The following TMEM182 variants were observed in gnomAD, a reference collection of about 807,000 sequenced individuals.
TMEM182 encodes the protein transmembrane protein 182.
In TMEM182, 20 loss-of-function variants were observed where a neutral mutation model predicts 26.8. The observed-to-expected ratio is 0.75, with a 90% CI of 0.53 to 1.09. The LOEUF (loss-of-function observed/expected upper bound fraction) is 1.09. Among genes scored for constraint, TMEM182 ranks in the 50% least tolerant of loss-of-function variants. The pLI is 0.00. For synonymous variants in TMEM182, 109 were observed against 102.2 expected, an observed-to-expected ratio of 1.07 and a Z score of -0.40; for missense variants, 277 against 275.5, an observed-to-expected ratio of 1.01 and a Z score of -0.04.
At chr2:102,746,656 C>T (rs770132701) in intron 1 of TMEM182, among the ~76,000 whole-genome samples, 10 of 152,020 alleles carry the variant, frequency 6.6e-5, no homozygotes, top group East Asian at 3.8e-4. Flanking sequence ...TGCAATGGCG[C>T]GATCGTGGCT....
At chr2:102,756,153 C>T (rs1038795418) in intron 1 of TMEM182, among the ~76,000 whole-genome samples, 2 of 152,122 alleles carry the variant, frequency 1.3e-5, no homozygotes, top group Non-Finnish European at 1.5e-5. Context: ...AATGGGAACA[C>T]CTGGTGAGAA....
At position 102,764,410 on chromosome 2, in the gene TMEM182, C is replaced by T. The variant is rs749444744; in HGVS notation, c.314C>T (p.Ser105Phe). The T allele has an allele frequency of 1.2e-6, 2 of 1,613,826 alleles. No individual in the cohort carries two copies. The highest frequency in any genetic ancestry group is 1.7e-5 in the Admixed American group (1 of 60,014). ...PFMRGEHNST[S>F]YDSAVIYRGF... ...ATGAGAGGCGAGCACAACTCGACCT[C>T]CTATGACTCTGCAGTTAGTAAGTAC... The change falls in exon 3 of 5, where the codon TCC becomes TTC. Residue 105 changes from serine to phenylalanine, a missense_variant. Coordinates refer to ENST00000412401, the MANE Select transcript of TMEM182 (RefSeq NM_144632.5).
At chr2:102,780,548 C>A (rs561090375) in intron 3 of TMEM182, among the ~76,000 whole-genome samples, 100 of 152,260 alleles carry the variant, frequency 6.6e-4, no homozygotes, top group African/African-American at 2.3e-3. Flanking sequence ...TCCTATGACA[C>A]CACTCTAGTT....
At chr2:102,832,397 G>T (rs1683170500) in intron 3 of TMEM182, among the ~76,000 whole-genome samples, 2 of 152,234 alleles carry the variant, frequency 1.3e-5, no homozygotes, top group South Asian at 2.1e-4. Flanking sequence ...GCTTAATAAG[G>T]TGCAGTGCCT....
chr2:102,797,857 C>G lies in TMEM182; in HGVS notation c.332-6C>G. 1.9e-6 allele frequency: 3 copies of G among 1,607,066 alleles called. No individual in the cohort carries two copies. The highest frequency in any genetic ancestry group is 2.5e-6 in the Non-Finnish European group (3 of 1,178,260). ...TTCTTTTCTCTTTTCCTCCTGGGGT[C>G]TCCAGTTTACCGTGGTTTCTGGGCA... is the stretch of plus-strand genomic sequence containing the variant. On this transcript the variant is annotated splice_polypyrimidine_tract_variant and splice_region_variant and intron_variant, in intron 3 of 4. Coordinates refer to ENST00000412401, the MANE Select transcript of TMEM182 (RefSeq NM_144632.5).
intron 1 of TMEM182, among the ~76,000 whole-genome samples, chr2:102,751,672 C>T (rs1373527202): frequency 2.0e-5 from 3 of 152,048 alleles, no homozygotes; most frequent in East Asian, 1.9e-4. Flanking sequence ...ACTCCTGTAT[C>T]GTTATGTCCT....
At chr2:102,751,063 A>G (rs1309545830) in intron 1 of TMEM182, among the ~76,000 whole-genome samples, 1 of 152,196 alleles carries the variant, frequency 6.6e-6, no homozygotes, top group African/African-American at 2.4e-5. Flanking sequence ...TGTCTGAGGT[A>G]GTACCCAAGG....
chr2:102,802,892 G>A (rs956874477), intron 4 of TMEM182, among the ~76,000 whole-genome samples: 1 of 152,176 alleles, frequency 6.6e-6, no homozygotes, highest in Admixed American at 6.5e-5. Flanking sequence ...AATTGAAGTA[G>A]CCTTTTCTTA....
In TMEM182 at chr2:102,800,307, G is replaced by T. The variant is rs190243309; in HGVS notation, c.469+2307G>T. On this transcript the variant is annotated intron_variant, in intron 4 of 4. Transcript: ENST00000412401. ...TTCTACTCTCCTTCTCTCCTGACCA[G>T]CTCTAAGAAACCTCTAATCTACTTT... Among the ~76,000 whole-genome samples the T allele has an allele frequency of 3.3e-5, 5 of 152,206 alleles. No homozygotes were observed. The East Asian group carries it at 9.7e-4, about 29-fold the overall frequency.
At chr2:102,781,510 A>T (rs990788601) in intron 3 of TMEM182, among the ~76,000 whole-genome samples, 3 of 152,134 alleles carry the variant, frequency 2.0e-5, no homozygotes, top group South Asian at 2.1e-4. Context: ...GTGGGATAAG[A>T]CTAAACCATG....
At chr2:102,823,187 C>T (rs1467922332) in intron 3 of TMEM182, among the ~76,000 whole-genome samples, 1 of 152,046 alleles carries the variant, frequency 6.6e-6, no homozygotes, top group Non-Finnish European at 1.5e-5. Flanking sequence ...GTTAAATGTT[C>T]CCCTGACTTG....
chr2:102,751,042 A>G (rs760151040), intron 1 of TMEM182, among the ~76,000 whole-genome samples: 15 of 152,142 alleles, frequency 9.9e-5, no homozygotes, highest in Non-Finnish European at 4.4e-5. Flanking sequence ...CTGGTTTTGA[A>G]GCCACGTTGT....
At chr2:102,761,677 G>A (rs778812753), upstream of TMEM182, among the ~76,000 whole-genome samples, 5 of 152,082 alleles carry the variant, frequency 3.3e-5, no homozygotes, top group South Asian at 2.1e-4. Flanking sequence ...GTTCAAGATC[G>A]GTCTTTGTGG....
intron 3 of TMEM182, among the ~76,000 whole-genome samples, chr2:102,840,131 A>C (rs565382332): frequency 6.6e-6 from 1 of 152,324 alleles, no homozygotes; most frequent in East Asian, 1.9e-4. Context: ...CATTTCATCT[A>C]TAAAGAAATC....
chr2:102,748,164 C>CACAA (rs971786561), intron 1 of TMEM182, among the ~76,000 whole-genome samples: 1 of 152,212 alleles, frequency 6.6e-6, no homozygotes, highest in East Asian at 1.9e-4. Flanking sequence ...TCCGTGTAGG[C>CACAA]ACAAACAACC....
intron 3 of TMEM182, among the ~76,000 whole-genome samples, chr2:102,765,171 T>A (rs1680377510): frequency 6.6e-6 from 1 of 152,190 alleles, no homozygotes; most frequent in Non-Finnish European, 1.5e-5. Context: ...TATATACATA[T>A]GCATGTGCAC....
At chr2:102,768,536 A>AC (rs34438689) in intron 3 of TMEM182, among the ~76,000 whole-genome samples, 35,995 of 150,156 alleles carry the variant, frequency 0.24, 4,374 homozygotes, top group South Asian at 0.28. Flanking sequence ...AAAAAAAAAA[A>AC]ACACACACAA....
intron 3 of TMEM182, among the ~76,000 whole-genome samples, chr2:102,784,165 C>A (rs1257960018): frequency 6.6e-6 from 1 of 152,170 alleles, no homozygotes; most frequent in Non-Finnish European, 1.5e-5. Flanking sequence ...TTTTGTACCT[C>A]TCCCTTTTTA....
At chr2:102,743,363 T>A (rs1679596601) in intron 1 of TMEM182, among the ~76,000 whole-genome samples, 1 of 152,154 alleles carries the variant, frequency 6.6e-6, no homozygotes, top group Admixed American at 6.5e-5. Context: ...CCAGGCATAG[T>A]GGCACATGCC....
Sources: gnomAD v4.1 joint callset for allele counts (sites outside exome capture counted in the v4.1 genomes callset) on GRCh38, gnomAD v4.1.1 for gene constraint, MANE v1.5 for transcripts, NCBI Gene and HGNC (gene_info 2026-07-23, HGNC 2026-07-21) for gene names.